RBMS3: variants seen among roughly 807,000 people sequenced by gnomAD.
The protein encoded by RBMS3 is RNA binding motif single stranded interacting protein 3.
RBMS3 carries 27 observed loss-of-function variants against 66.8 expected under a neutral mutation model. The ratio of observed to expected loss-of-function variants is 0.40; its 90% CI spans 0.30 to 0.56. RBMS3 has a LOEUF of 0.56. Among genes scored for constraint, RBMS3 ranks in the 20% least tolerant of loss-of-function variants. The pLI is 0.40. For missense variants in RBMS3, 513 were observed against 549.5 expected (o/e 0.93, Z 0.66); for synonymous variants, 188 against 183.0 (o/e 1.03, Z -0.22).
intron 1 of RBMS3, among the ~76,000 whole-genome samples, chr3:29,352,679 CTT>C (rs1375574072): frequency 6.6e-6 from 1 of 151,982 alleles, no homozygotes; most frequent in African/African-American, 2.4e-5. Flanking sequence ...GATAATCACT[CTT>C]ATGCCTTTTG....
chr3:29,555,057 A>G (rs1359814354), intron 3 of RBMS3, among the ~76,000 whole-genome samples: 1 of 152,168 alleles, frequency 6.6e-6, no homozygotes, highest in Admixed American at 6.5e-5. Flanking sequence ...TTCATTCATA[A>G]TTCATGAGTA....
At chr3:29,950,977 G>A (rs920023818) in intron 12 of RBMS3, among the ~76,000 whole-genome samples, 23 of 151,890 alleles carry the variant, frequency 1.5e-4, no homozygotes, top group African/African-American at 5.1e-4. Flanking sequence ...CTTAGCCTTG[G>A]TTATCAGGAT....
chr3:29,447,695 TA>T (rs1382537373), intron 2 of RBMS3, among the ~76,000 whole-genome samples: 5 of 152,220 alleles, frequency 3.3e-5, no homozygotes, highest in African/African-American at 9.6e-5. Context: ...AAACTGAAGT[TA>T]ATTTGCTCCC....
intron 1 of RBMS3, among the ~76,000 whole-genome samples, chr3:29,282,657 C>T (rs1346178769): frequency 6.6e-6 from 1 of 152,024 alleles, no homozygotes; most frequent in African/African-American, 2.4e-5. Flanking sequence ...AACATGTTAG[C>T]GGAGTGACCA....
chr3:29,349,427 T>G (rs1296168732), intron 1 of RBMS3, among the ~76,000 whole-genome samples: 3 of 152,244 alleles, frequency 2.0e-5, no homozygotes. Context: ...TTGCTTACTT[T>G]GTCCTCTATG....
At chr3:29,842,293 C>T (rs28496384) in intron 6 of RBMS3, among the ~76,000 whole-genome samples, 2,297 of 152,194 alleles carry the variant, frequency 0.015, 51 homozygotes, top group African/African-American at 0.051. Flanking sequence ...GAAAGCTACT[C>T]CTGAAACTTG....
chr3:29,394,961 A>G (rs968824636), intron 1 of RBMS3, among the ~76,000 whole-genome samples: 3 of 152,174 alleles, frequency 2.0e-5, no homozygotes, highest in African/African-American at 4.8e-5. Context: ...CAAAAGTTCA[A>G]TCGAGTCTGC....
intron 10 of RBMS3, among the ~76,000 whole-genome samples, chr3:29,927,670 G>C (rs998764483): frequency 2.0e-5 from 3 of 152,126 alleles, no homozygotes; most frequent in African/African-American, 7.2e-5. Flanking sequence ...AAGGGTAAGA[G>C]GTAAGACGGA....
chr3:29,664,916 C>T (rs552033624), intron 4 of RBMS3, among the ~76,000 whole-genome samples: 10 of 150,720 alleles, frequency 6.6e-5, no homozygotes, highest in South Asian at 6.3e-4. Flanking sequence ...GAATCCATTG[C>T]GGAAGAAAAG....
At chr3:29,447,179 C>A (rs1456171175) in intron 2 of RBMS3, among the ~76,000 whole-genome samples, 1 of 152,044 alleles carries the variant, frequency 6.6e-6, no homozygotes, top group Non-Finnish European at 1.5e-5. Context: ...CCCCAAAGTG[C>A]TGGGATTACA....
chr3:29,938,145 A>C (rs1374248969), intron 11 of RBMS3, among the ~76,000 whole-genome samples: 1 of 151,970 alleles, frequency 6.6e-6, no homozygotes, highest in South Asian at 2.1e-4. Context: ...CCTTTAGGGA[A>C]TTAAAAAAAT....
intron 3 of RBMS3, among the ~76,000 whole-genome samples, chr3:29,532,477 A>G (rs1034307825): frequency 2.0e-5 from 3 of 151,764 alleles, no homozygotes; most frequent in African/African-American, 7.3e-5. Context: ...TTCTTTATAA[A>G]ATTTTGATTG....
At chr3:29,817,052 C>A (rs564899225) in intron 6 of RBMS3, among the ~76,000 whole-genome samples, 2 of 152,258 alleles carry the variant, frequency 1.3e-5, no homozygotes, top group Non-Finnish European at 2.9e-5. Flanking sequence ...GATCGAACCA[C>A]TGCACTCCAG....
chr3:29,760,351 G>A (rs2055623880), intron 5 of RBMS3, among the ~76,000 whole-genome samples: 1 of 151,640 alleles, frequency 6.6e-6, no homozygotes, highest in Non-Finnish European at 1.5e-5. Flanking sequence ...TAAGACAAAG[G>A]ATTTGATTTG....
intron 6 of RBMS3, among the ~76,000 whole-genome samples, chr3:29,825,145 C>T (rs934411011): frequency 4.6e-5 from 7 of 151,734 alleles, no homozygotes; most frequent in African/African-American, 1.7e-4. Flanking sequence ...AAGCAATTCT[C>T]CTGCCTCAGC....
chr3:29,404,537 A>T (rs770797162), intron 1 of RBMS3, among the ~76,000 whole-genome samples: 1 of 152,146 alleles, frequency 6.6e-6, no homozygotes, highest in Non-Finnish European at 1.5e-5. Context: ...ATATTTCTGT[A>T]GGATTTTCCC....
intron 3 of RBMS3, among the ~76,000 whole-genome samples, chr3:29,566,478 A>G (rs995308354): frequency 6.6e-6 from 1 of 152,120 alleles, no homozygotes. Context: ...ACTGTTCTAC[A>G]TGATACCTTC....
At chr3:29,970,151 C>A (rs913938071) in intron 12 of RBMS3, among the ~76,000 whole-genome samples, 3 of 152,152 alleles carry the variant, frequency 2.0e-5, no homozygotes, top group Non-Finnish European at 2.9e-5. Flanking sequence ...CTTCATTGGG[C>A]AAAACTCTAG....
In RBMS3 at chr3:29,550,434, C is replaced by A. The variant is rs145591960; in HGVS notation, c.308-36680C>A. On this transcript the variant is annotated intron_variant, in intron 3 of 14. Coordinates refer to ENST00000383767, the MANE Select transcript of RBMS3 (RefSeq NM_001003793.3). ...GGAACATATTTATATAAAAAGTATT[C>A]ATTGCTCATCTAAAGTTCAATGTTT... is the stretch of plus-strand genomic sequence containing the variant. Among the ~76,000 whole-genome samples the A allele has an allele frequency of 3.4e-4, 52 of 152,112 alleles. No homozygotes were observed. The East Asian group carries it at 9.9e-3, about 29-fold the overall frequency.
Sources: allele counts gnomAD v4.1 joint callset (sites outside exome capture counted in the v4.1 genomes callset), GRCh38; gene constraint gnomAD v4.1.1; transcripts MANE v1.5; gene names NCBI Gene and HGNC (gene_info 2026-07-23, HGNC 2026-07-21).